ANKS1B: variants seen among roughly 807,000 people sequenced by gnomAD.
The protein encoded by ANKS1B is ankyrin repeat and sterile alpha motif domain-containing protein 1B.
Under a neutral mutation model 148.3 loss-of-function variants are expected in ANKS1B, and 36 were observed. The ratio of observed to expected loss-of-function variants is 0.24; its 90% CI spans 0.19 to 0.32. The LOEUF (loss-of-function observed/expected upper bound fraction) is 0.32. ANKS1B is among the 10% of genes least tolerant of loss of function. The pLI is 1.00. For missense variants in ANKS1B, 1,157 were observed against 1,542.6 expected (o/e 0.75, Z 4.19); for synonymous variants, 542 against 560.8 (o/e 0.97, Z 0.47).
At chr12:99,427,162 G>A (rs1455861819) in intron 11 of ANKS1B, among the ~76,000 whole-genome samples, 2 of 152,100 alleles carry the variant, frequency 1.3e-5, no homozygotes, top group Non-Finnish European at 2.9e-5. Context: ...GTATTCTCTA[G>A]CCAGAGTGAT....
At chr12:99,213,877 T>C (rs764364610) in intron 14 of ANKS1B, among the ~76,000 whole-genome samples, 1 of 152,176 alleles carries the variant, frequency 6.6e-6, no homozygotes, top group Non-Finnish European at 1.5e-5. Flanking sequence ...AGGGGTAGGC[T>C]AGCTCTATGT....
chr12:99,552,126 G>GT lies in ANKS1B; in HGVS notation c.1273-47486dup, dbSNP rs77998805. On this transcript the variant is annotated intron_variant, in intron 9 of 26. Coordinates refer to ENST00000683438, the MANE Select transcript of ANKS1B (RefSeq NM_001352186.2). The stretch of plus-strand genomic sequence containing the variant: ...TCTACATCAGTTCCTGTAGGACTCA[G>GT]TTTTTTTTATCTTTCCTTGTGAATG... Among the ~76,000 whole-genome samples, 35 of 151,906 alleles carry GT rather than the reference G, an allele frequency of 2.3e-4. 1 individual carries two copies. The highest frequency in any genetic ancestry group is 1.5e-3 in the South Asian group (7 of 4,818).
At position 98,796,314 on chromosome 12, in the gene ANKS1B, G is replaced by A. The variant is rs139473967; in HGVS notation, c.3342+2620C>T. Among the ~76,000 whole-genome samples, 268 of 152,194 alleles carry A rather than the reference G, an allele frequency of 1.8e-3. 1 individual carries two copies. The highest frequency in any genetic ancestry group is 2.5e-3 in the Non-Finnish European group (170 of 68,002). ...TTTTTTCAATTAAAAGAATAAACAGGTAACTCTTAATCTACAATACTTTGG... is the reference window on the plus strand; with the variant it reads ...TTTTTTCAATTAAAAGAATAAACAGATAACTCTTAATCTACAATACTTTGG... On this transcript the variant is annotated intron_variant, in intron 22 of 26. Coordinates refer to ENST00000683438, the MANE Select transcript of ANKS1B (RefSeq NM_001352186.2).
intron 12 of ANKS1B, among the ~76,000 whole-genome samples, chr12:99,330,659 G>C (rs2087336685): frequency 6.6e-6 from 1 of 151,932 alleles, no homozygotes; most frequent in African/African-American, 2.4e-5. Context: ...CTGATAGCTA[G>C]GTTTAAAATC....
chr12:99,382,620 C>T (rs1049423898), intron 12 of ANKS1B, among the ~76,000 whole-genome samples: 19 of 146,598 alleles, frequency 1.3e-4, no homozygotes, highest in African/African-American at 4.0e-4. Context: ...ATCACTTGAA[C>T]TTGGGAGATG....
rs79753238 is a variant in ANKS1B, at chr12:99,261,624, C to T, written c.1757-14760G>A. Among the ~76,000 whole-genome samples, 1,043 of 152,204 alleles carry T rather than the reference C, an allele frequency of 6.9e-3. 9 individuals carry two copies. Among genetic ancestry groups the T allele is most frequent in the African/African-American group, 0.023 (975 of 41,530 alleles). The stretch of plus-strand genomic sequence containing the variant: ...TCACACCCCACAGCCAATCACACAG[C>T]GAATCCTGGTGGCTCTACCTTTAAA... On this transcript the variant is annotated intron_variant, in intron 12 of 26. Coordinates refer to ENST00000683438, the MANE Select transcript of ANKS1B (RefSeq NM_001352186.2).
At chr12:99,232,535 G>A (rs1013807491) in intron 14 of ANKS1B, among the ~76,000 whole-genome samples, 1 of 152,190 alleles carries the variant, frequency 6.6e-6, no homozygotes, top group Non-Finnish European at 1.5e-5. Context: ...GTCCCGTGGA[G>A]CCAATTACTG....
intron 9 of ANKS1B, among the ~76,000 whole-genome samples, chr12:99,590,449 A>G (rs2097691656): frequency 6.6e-6 from 1 of 152,052 alleles, no homozygotes; most frequent in South Asian, 2.1e-4. Context: ...ATAACTGCCA[A>G]CTCCATGATG....
intron 15 of ANKS1B, among the ~76,000 whole-genome samples, chr12:99,100,428 G>A (rs534930684): frequency 5.3e-5 from 8 of 152,290 alleles, no homozygotes; most frequent in Non-Finnish European, 1.0e-4. Context: ...CTTTAAGTAT[G>A]GAGAATTCAA....
chr12:99,885,898 C>T (rs2092800961), intron 1 of ANKS1B, among the ~76,000 whole-genome samples: 1 of 152,074 alleles, frequency 6.6e-6, no homozygotes, highest in Non-Finnish European at 1.5e-5. Context: ...AATAATGGCC[C>T]CCAGTTCCAT....
At chr12:99,015,684 A>G (rs2099942059) in intron 17 of ANKS1B, among the ~76,000 whole-genome samples, 1 of 151,978 alleles carries the variant, frequency 6.6e-6, no homozygotes, top group South Asian at 2.1e-4. Context: ...GGCTAACACG[A>G]TGAAACACCG....
At chr12:99,142,179 C>G (rs1404540473) in intron 15 of ANKS1B, among the ~76,000 whole-genome samples, 7 of 149,554 alleles carry the variant, frequency 4.7e-5, no homozygotes, top group African/African-American at 7.4e-5. Flanking sequence ...GAGGAGATAA[C>G]AGAGACAAGG....
In ANKS1B at chr12:99,397,745, A is replaced by G. The variant is rs76721283; in HGVS notation, c.1756+1886T>C. On this transcript the variant is annotated intron_variant, in intron 12 of 26. Transcript: ENST00000683438. ...AATTGATATACATAAAATGCCTAAAACAGTTCCTGACACATAGTGTCATTT... is the reference window on the plus strand; with the variant it reads ...AATTGATATACATAAAATGCCTAAAGCAGTTCCTGACACATAGTGTCATTT... Among the ~76,000 whole-genome samples the G allele has an allele frequency of 2.9e-3, 435 of 152,246 alleles. 5 individuals are homozygous for G. Among genetic ancestry groups the G allele is most frequent in the African/African-American group, 9.5e-3 (393 of 41,558 alleles).
intron 17 of ANKS1B, among the ~76,000 whole-genome samples, chr12:98,946,890 T>A (rs895369716): frequency 2.2e-5 from 3 of 133,764 alleles, no homozygotes; most frequent in African/African-American, 8.6e-5. Flanking sequence ...CAGTGAGCTA[T>A]GATTGAGCCA....
chr12:99,182,065 T>C (rs1454126735), intron 14 of ANKS1B, among the ~76,000 whole-genome samples: 1 of 152,188 alleles, frequency 6.6e-6, no homozygotes, highest in Non-Finnish European at 1.5e-5. Flanking sequence ...AGAGGCTTAA[T>C]TGACTCACAG....
At chr12:99,416,234 G>A (rs906424855) in intron 11 of ANKS1B, among the ~76,000 whole-genome samples, 34 of 152,096 alleles carry the variant, frequency 2.2e-4, no homozygotes, top group Admixed American at 1.5e-3. Context: ...TCAATGACAT[G>A]GATGTTTAAC....
At chr12:99,521,377 G>A (rs1440514179) in intron 9 of ANKS1B, among the ~76,000 whole-genome samples, 1 of 152,074 alleles carries the variant, frequency 6.6e-6, no homozygotes, top group Non-Finnish European at 1.5e-5. Context: ...TGTTTCTCCA[G>A]GATTAGTCCT....
At chr12:98,947,304 T>C (rs1367009726) in intron 17 of ANKS1B, among the ~76,000 whole-genome samples, 1 of 152,150 alleles carries the variant, frequency 6.6e-6, no homozygotes, top group African/African-American at 2.4e-5. Context: ...GGGAGCTGAC[T>C]TAGAAGGCCA....
chr12:98,953,547 T>G (rs1204300649), intron 17 of ANKS1B, among the ~76,000 whole-genome samples: 1 of 128,810 alleles, frequency 7.8e-6, no homozygotes, highest in Non-Finnish European at 1.6e-5. Flanking sequence ...GTTTTTTTTT[T>G]TTTTTTTTTT....
Sources: allele counts gnomAD v4.1 joint callset (sites outside exome capture counted in the v4.1 genomes callset), GRCh38; gene constraint gnomAD v4.1.1; transcripts MANE v1.5; gene names NCBI Gene and HGNC (gene_info 2026-07-23, HGNC 2026-07-21).